Variants in LCN10 observed in about 807,000 individuals in gnomAD.
LCN10 encodes the protein lipocalin 10, also known as epididymal-specific lipocalin-10.
In LCN10, 18 loss-of-function variants were observed where a neutral mutation model predicts 25.1. That is an observed-to-expected ratio of 0.72 (90% confidence interval 0.50 to 1.06). LCN10 has a LOEUF of 1.06. Among genes scored for constraint, LCN10 ranks in the 50% least tolerant of loss-of-function variants. The pLI is 0.00. For missense variants in LCN10, 257 were observed against 258.9 expected (o/e 0.99, Z 0.05); for synonymous variants, 130 against 116.7 (o/e 1.11, Z -0.73).
At position 136,740,828 on chromosome 9, in the gene LCN10, C is replaced by T. The variant is rs752663681; in HGVS notation, c.475+8G>A. ...CACCATCCTCTGCCATCCGCTGTGC[C>T]TGCTCACGGAAGAGCAGCAGGTTCT... On this transcript the variant is annotated splice_region_variant and intron_variant, in intron 4 of 5. Transcript: ENST00000497771. The surrounding 1 kb of genome is among the most constrained non-coding windows in gnomAD (Gnocchi z 5.3). 6.2e-7 allele frequency: 1 copy of T among 1,608,782 alleles called. No homozygotes were observed. Among genetic ancestry groups the T allele is most frequent in the Non-Finnish European group, 8.5e-7 (1 of 1,177,430 alleles).
chr9:136,742,916 C>G lies in LCN10; in HGVS notation c.-13G>C, dbSNP rs368044613. On this transcript the variant is annotated 5_prime_UTR_variant, in exon 1 of 6. Transcript: ENST00000497771. ...GCCCCTGCCTCATCTTCACCCTCCT[C>G]CCTCAGCCGCCAAGGCCAGTGTTTA... 52 of 1,611,956 alleles carry G rather than the reference C, an allele frequency of 3.2e-5. No homozygotes were observed. In the African/African-American group the frequency reaches 6.0e-4, roughly 19 times the overall value.
chr9:136,742,586 C>T (rs1000588224), intron 1 of LCN10: 2 of 637,082 alleles, frequency 3.1e-6, no homozygotes. Context: ...GCCCCCGAAC[C>T]CCCTCGAGGC....
At chr9:136,741,175 A>G (rs914682449) in intron 3 of LCN10, 77 bp downstream of exon 3, 8 of 1,295,818 alleles carry the variant, frequency 6.2e-6, no homozygotes, top group Non-Finnish European at 8.8e-6. Context: ...GCTCTCGGGG[A>G]CAAGGGGCCT....
Position 136,739,433 on chromosome 9 carries a change from A to C in LCN10, c.*92T>G, listed in dbSNP as rs1213295089. ...ACCTAGAGTCACCAAACACCTCTCA[A>C]CAAGCCGTGGTCTCCACTTGACATC... On this transcript the variant is annotated 3_prime_UTR_variant, in exon 6 of 6. Coordinates refer to ENST00000497771, the MANE Select transcript of LCN10 (RefSeq NM_001001712.3). The surrounding 1 kb of genome is among the most constrained non-coding windows in gnomAD (Gnocchi z 6.1). The C allele has an allele frequency of 7.2e-7, 1 of 1,390,234 alleles. No individual in the cohort carries two copies. Among genetic ancestry groups the C allele is most frequent in the Non-Finnish European group, 1.0e-6 (1 of 1,000,796 alleles). The allele number at this position is 1,390,234 out of a possible 1,614,324, so 86.1% of individuals were successfully genotyped here. A position where few individuals can be genotyped will look rare whatever the true frequency, so the allele number is the denominator to read the frequency against.
rs900855986 is a variant in LCN10 at position 136,739,162 on chromosome 9, G to C, written c.*363C>G. On this transcript the variant is annotated 3_prime_UTR_variant, in exon 6 of 6. Transcript: ENST00000497771. This position sits in a 1 kb window ranked among gnomAD's most constrained non-coding sequence, Gnocchi z 6.1. The stretch of plus-strand genomic sequence containing the variant: ...TTCCTGAGAAAGTGCAGGATGTAAA[G>C]GAACGCGGAGGGTGGCGGCGGCGTG... 2.9e-5 allele frequency: 8 copies of C among 274,086 alleles called. No individual in the cohort carries two copies. Among genetic ancestry groups the C allele is most frequent in the Non-Finnish European group, 5.7e-5 (8 of 140,382 alleles). The allele number at this position is 274,086 out of a possible 1,614,324, so 17.0% of individuals were successfully genotyped here.
intron 1 of LCN10, chr9:136,742,409 G>A (rs760946579): frequency 7.2e-5 from 29 of 403,522 alleles, no homozygotes; most frequent in Non-Finnish European, 9.4e-5. Flanking sequence ...GGGCACCGCC[G>A]TGCCAATGAG....
chr9:136,742,283 C>A, intron 1 of LCN10: 1 of 502,344 alleles, frequency 2.0e-6, no homozygotes, highest in South Asian at 2.6e-5. Context: ...GGCCCCCTAC[C>A]TCAGAGGCCC....
In LCN10 at chr9:136,738,548, A is replaced by T. The variant is rs1846866443; in HGVS notation, c.*977T>A. The T allele has an allele frequency of 6.6e-6, 1 of 152,090 alleles. No homozygotes were observed. Among genetic ancestry groups the T allele is most frequent in the African/African-American group, 2.4e-5 (1 of 41,396 alleles). The allele number at this position is 152,090 out of a possible 1,614,324, so 9.4% of individuals were successfully genotyped here. A position where few individuals can be genotyped will look rare whatever the true frequency, so the allele number is the denominator to read the frequency against. On this transcript the variant is annotated 3_prime_UTR_variant, in exon 6 of 6. Transcript: ENST00000497771. ...CCCTTGGCCAGAAGAAGGTCCATTCATTCAGTTGGGGGGTTCATCTCAGAC... is the reference window on the plus strand; with the variant it reads ...CCCTTGGCCAGAAGAAGGTCCATTCTTTCAGTTGGGGGGTTCATCTCAGAC...
Position 136,738,180 on chromosome 9 carries a change from A to G in LCN10, c.*1345T>C, listed in dbSNP as rs985327022. 1 of 152,152 alleles carries G rather than the reference A, an allele frequency of 6.6e-6. No homozygotes were observed. The highest frequency in any genetic ancestry group is 1.5e-5 in the Non-Finnish European group (1 of 68,010). The allele number at this position is 152,152 out of a possible 1,614,324, so 9.4% of individuals were successfully genotyped here. A position where few individuals can be genotyped will look rare whatever the true frequency, so the allele number is the denominator to read the frequency against. The stretch of plus-strand genomic sequence containing the variant: ...CGGGCTCCAAACTACTTTTTTGCAC[A>G]CAGGAGAGCTTTATTTCTCATAAGA... On this transcript the variant is annotated 3_prime_UTR_variant, in exon 6 of 6. Transcript: ENST00000497771.
rs546679793 is a variant in LCN10, at chr9:136,739,168, C to T, written c.*357G>A. 2.8e-5 allele frequency: 8 copies of T among 281,404 alleles called. No homozygotes were observed. Among genetic ancestry groups the T allele is most frequent in the Middle Eastern group, 1.3e-3 (1 of 768 alleles). The allele number at this position is 281,404 out of a possible 1,614,324, so 17.4% of individuals were successfully genotyped here. The stretch of plus-strand genomic sequence containing the variant: ...AGAAAGTGCAGGATGTAAAGGAACG[C>T]GGAGGGTGGCGGCGGCGTGGAGGGC... On this transcript the variant is annotated 3_prime_UTR_variant, in exon 6 of 6. Transcript: ENST00000497771. This position sits in a 1 kb window ranked among gnomAD's most constrained non-coding sequence, Gnocchi z 6.1.
Position 136,739,992 on chromosome 9 carries a change from T to C in LCN10, c.532A>G (p.Ile178Val). ...ACGGCGGCCTTGGAGAGCCCCAGAA[T>C]GTCACAAGCGTCCATGAATTCCTTC... ...SLKEFMDACD[I>V]LGLSKAAVIL... Residue 178 changes from isoleucine to valine, a missense_variant, in exon 5 of 6, where the codon ATT becomes GTT. Coordinates refer to ENST00000497771, the MANE Select transcript of LCN10 (RefSeq NM_001001712.3). The surrounding 1 kb of genome is among the most constrained non-coding windows in gnomAD (Gnocchi z 6.1). 1 of 1,592,862 alleles carries C rather than the reference T, an allele frequency of 6.3e-7. No individual in the cohort carries two copies. Among genetic ancestry groups the C allele is most frequent in the Non-Finnish European group, 8.5e-7 (1 of 1,169,600 alleles).
At position 136,741,955 on chromosome 9, in the gene LCN10, G is replaced by T. The variant is rs895938444; in HGVS notation, c.183C>A (p.Asp61Glu). ...CCACGGACGCCCCCAGCTTCCTCTTGTCCCTGGCCGGCAAGAATCCCTGGG... is the reference window on the plus strand; with the variant it reads ...CCACGGACGCCCCCAGCTTCCTCTTTTCCCTGGCCGGCAAGAATCCCTGGG... ...TDAQGFLPAR[D>E]KRKLGASVVK... is the part of the protein sequence containing the mutation. The change falls in exon 2 of 6, where the codon GAC (aspartate) becomes GAA (glutamate). Residue 61 changes from aspartate to glutamate, a missense_variant. Physicochemically the swap from Asp to Glu is conservative, Grantham distance 45. Coordinates refer to ENST00000497771, the MANE Select transcript of LCN10 (RefSeq NM_001001712.3). 7 of 1,612,178 alleles carry T rather than the reference G, an allele frequency of 4.3e-6. No homozygotes were observed. The highest frequency in any genetic ancestry group is 1.7e-5 in the Admixed American group (1 of 59,840).
chr9:136,741,459 C>T lies in LCN10; in HGVS notation c.258-98G>A, dbSNP rs1846932325. On this transcript the variant is annotated intron_variant, in intron 2 of 5. Transcript: ENST00000497771. ...CCCACACGTCTCGGTCCCGCCCCTG[C>T]TCCCGTGGGACCCGGGAAGGTTGGG... 15 of 984,702 alleles carry T rather than the reference C, an allele frequency of 1.5e-5. No homozygotes were observed. The South Asian group carries it at 2.0e-4, about 13-fold the overall frequency. 61.0% of individuals were successfully genotyped at this position (984,702 alleles called of 1,614,324 possible). A position where few individuals can be genotyped will look rare whatever the true frequency, so the allele number is the denominator to read the frequency against.
intron 1 of LCN10, chr9:136,742,568 C>A (rs967825686): frequency 1.2e-5 from 7 of 588,546 alleles, no homozygotes; most frequent in African/African-American, 7.5e-5. Context: ...CCTCCCTGAC[C>A]CCCCTGGGCC....
At position 136,742,068 on chromosome 9, in the gene LCN10, G is replaced by A. The variant is rs201872939; in HGVS notation, c.118-48C>T. ...GGGACAGGAGCTGCCACCGGGGGCT[G>A]TCCCCACCCCCGAGGTTCCCAGCTA... On this transcript the variant is annotated intron_variant, in intron 1 of 5. Transcript: ENST00000497771. 158 of 1,605,430 alleles carry A rather than the reference G, an allele frequency of 9.8e-5. No homozygotes were observed. The African/African-American group carries it at 1.9e-3, about 20-fold the overall frequency.
chr9:136,742,757 C>A (rs772982702), intron 1 of LCN10, 30 bp downstream of exon 1: 6 of 1,610,598 alleles, frequency 3.7e-6, no homozygotes, highest in Admixed American at 3.3e-5. Context: ...AGCCGGCGCC[C>A]GGCTCAGGGA....
In LCN10 at chr9:136,740,637, G is replaced by A. The variant is rs547706928; in HGVS notation, c.475+199C>T. On this transcript the variant is annotated intron_variant, in intron 4 of 5. Coordinates refer to ENST00000497771, the MANE Select transcript of LCN10 (RefSeq NM_001001712.3). This position sits in a 1 kb window ranked among gnomAD's most constrained non-coding sequence, Gnocchi z 5.3. ...CCTTTCTCTGCAGCCTCTTCCTGAC[G>A]TCCCCTATCCTTGCTTCAGCGACCT... 1.6e-5 allele frequency: 9 copies of A among 556,302 alleles called. No homozygotes were observed. The highest frequency in any genetic ancestry group is 5.7e-5 in the East Asian group (2 of 35,030). The allele number at this position is 556,302 out of a possible 1,614,324, so 34.5% of individuals were successfully genotyped here.
chr9:136,741,439 A>C, intron 2 of LCN10, 78 bp from the exon 3 acceptor site: 1 of 1,164,240 alleles, frequency 8.6e-7, no homozygotes, highest in Non-Finnish European at 1.2e-6. Context: ...CCCCACCCAC[A>C]CGTCTCGGTC....
chr9:136,741,572 G>T, intron 2 of LCN10: 4 of 606,030 alleles, frequency 6.6e-6, no homozygotes, highest in Non-Finnish European at 1.2e-5. Context: ...TCGGACTGGG[G>T]CCTGTCCCAC....
Sources: allele counts gnomAD v4.1 joint callset, GRCh38; gene constraint gnomAD v4.1.1; non-coding constraint Gnocchi (gnomAD v3.1); transcripts MANE v1.5; gene names NCBI Gene and HGNC (gene_info 2026-07-23, HGNC 2026-07-21).